CENPW: variants seen among roughly 807,000 people sequenced by gnomAD.
CENPW encodes centromere protein W, also known as cancer-up-regulated gene 2 protein.
In CENPW, 3 loss-of-function variants were observed where a neutral mutation model predicts 11.1. The observed-to-expected ratio is 0.27, with a 90% CI of 0.12 to 0.70. CENPW has a LOEUF of 0.70. Ranked by LOEUF, CENPW falls within the 30% of genes least tolerant of loss-of-function variation. CENPW has a pLI of 0.77. For synonymous variants in CENPW, 38 were observed against 42.0 expected, an observed-to-expected ratio of 0.91 and a Z score of 0.37; for missense variants, 100 against 105.6, an observed-to-expected ratio of 0.95 and a Z score of 0.23.
the CENPW span, among the ~76,000 whole-genome samples, chr6:126,417,513 A>G: frequency 6.6e-6 from 1 of 152,242 alleles, no homozygotes; most frequent in East Asian, 1.9e-4. Flanking sequence ...TTAAATTCCC[A>G]CATGTTGTGG....
the CENPW span, among the ~76,000 whole-genome samples, chr6:126,383,123 A>G: frequency 6.6e-6 from 1 of 152,226 alleles, no homozygotes; most frequent in Admixed American, 6.5e-5. Flanking sequence ...TATATTCAAC[A>G]TTGATAAAAT....
chr6:126,465,481 T>C, the CENPW span, among the ~76,000 whole-genome samples: 3 of 152,080 alleles, frequency 2.0e-5, no homozygotes, highest in Middle Eastern at 3.2e-3. Context: ...ATAATCCCAA[T>C]CAAAATCAAG....
the CENPW span, among the ~76,000 whole-genome samples, chr6:126,471,635 C>T: frequency 4.6e-5 from 7 of 152,130 alleles, no homozygotes; most frequent in South Asian, 1.5e-3. Flanking sequence ...AATAAACAGT[C>T]TAGAACTAAT....
chr6:126,408,670 C>G, the CENPW span, among the ~76,000 whole-genome samples: 12 of 152,152 alleles, frequency 7.9e-5, no homozygotes, highest in Admixed American at 7.9e-4. Context: ...TCTTATTGAT[C>G]TGTTCAGGTT....
the CENPW span, among the ~76,000 whole-genome samples, chr6:126,418,713 A>G: frequency 4.6e-5 from 7 of 152,198 alleles, no homozygotes; most frequent in South Asian, 6.2e-4. Context: ...AAAAATAATC[A>G]TATCAACTCT....
the CENPW span, among the ~76,000 whole-genome samples, chr6:126,400,071 A>G: frequency 6.6e-6 from 1 of 152,028 alleles, no homozygotes; most frequent in African/African-American, 2.4e-5. Flanking sequence ...ACATTCTTGA[A>G]CGAGTTATTT....
At chr6:126,416,909 G>A in the CENPW span, among the ~76,000 whole-genome samples, 2 of 152,158 alleles carry the variant, frequency 1.3e-5, no homozygotes, top group Non-Finnish European at 2.9e-5. Context: ...GTCCTTACTG[G>A]GGCACTACCT....
the CENPW span, among the ~76,000 whole-genome samples, chr6:126,482,102 T>C: frequency 6.6e-6 from 1 of 152,080 alleles, no homozygotes; most frequent in East Asian, 1.9e-4. Context: ...ATAACTTCTT[T>C]TGTGGTAGAG....
At chr6:126,373,316 G>T in the CENPW span, among the ~76,000 whole-genome samples, 1 of 152,096 alleles carries the variant, frequency 6.6e-6, no homozygotes, top group Non-Finnish European at 1.5e-5. Context: ...CACATTCTGT[G>T]TCCTTAAGAA....
At chr6:126,390,110 C>G in the CENPW span, among the ~76,000 whole-genome samples, 1 of 151,892 alleles carries the variant, frequency 6.6e-6, no homozygotes, top group Non-Finnish European at 1.5e-5. Flanking sequence ...CACTCTTCTT[C>G]ACAGTCTATA....
chr6:126,390,341 G>C, the CENPW span, among the ~76,000 whole-genome samples: 1 of 151,626 alleles, frequency 6.6e-6, no homozygotes, highest in Non-Finnish European at 1.5e-5. Flanking sequence ...ATTTTTGTGG[G>C]TACATAGCAG....
At chr6:126,458,647 T>G in the CENPW span, among the ~76,000 whole-genome samples, 1 of 151,294 alleles carries the variant, frequency 6.6e-6, no homozygotes, top group African/African-American at 2.4e-5. Flanking sequence ...ATCAACCTAC[T>G]GAGAGAATAA....
chr6:126,420,190 CAGAA>C, the CENPW span, among the ~76,000 whole-genome samples: 2 of 152,056 alleles, frequency 1.3e-5, no homozygotes, highest in African/African-American at 2.4e-5. Context: ...GCACTCCAGG[CAGAA>C]GAAAGAGAAA....
the CENPW span, among the ~76,000 whole-genome samples, chr6:126,466,694 G>T: frequency 6.6e-6 from 1 of 151,976 alleles, no homozygotes; most frequent in Non-Finnish European, 1.5e-5. Context: ...TATCCATATT[G>T]AGTTGATTTT....
At chr6:126,342,679 A>G (rs1254208031) in intron 1 of CENPW, among the ~76,000 whole-genome samples, 3 of 152,088 alleles carry the variant, frequency 2.0e-5, no homozygotes, top group East Asian at 1.9e-4. Context: ...GAAAGGATCA[A>G]TCTTATCTTC....
chr6:126,418,519 G>A, the CENPW span, among the ~76,000 whole-genome samples: 1 of 152,110 alleles, frequency 6.6e-6, no homozygotes, highest in African/African-American at 2.4e-5. Flanking sequence ...TAACACAGGA[G>A]ATTTTTGGGG....
At chr6:126,401,269 C>G in the CENPW span, among the ~76,000 whole-genome samples, 13 of 152,064 alleles carry the variant, frequency 8.5e-5, no homozygotes, top group African/African-American at 2.4e-4. Flanking sequence ...TTTTAGAGTA[C>G]AGGCTGGTTT....
the CENPW span, among the ~76,000 whole-genome samples, chr6:126,469,337 A>G: frequency 6.6e-6 from 1 of 152,146 alleles, no homozygotes; most frequent in Non-Finnish European, 1.5e-5. Context: ...CCTTATGAAG[A>G]AGGCACCTGC....
chr6:126,368,242 G>A, the CENPW span, among the ~76,000 whole-genome samples: 1 of 152,172 alleles, frequency 6.6e-6, no homozygotes, highest in African/African-American at 2.4e-5. Flanking sequence ...CCTGCATCAG[G>A]AAGGAAAAAG....
Sources: gnomAD v4.1 joint callset for allele counts (sites outside exome capture counted in the v4.1 genomes callset) on GRCh38, gnomAD v4.1.1 for gene constraint, MANE v1.5 for transcripts, NCBI Gene and HGNC (gene_info 2026-07-23, HGNC 2026-07-21) for gene names.